ATG7: variants seen among roughly 807,000 people sequenced by gnomAD.
ATG7 encodes the protein autophagy related 7, also known as ubiquitin-like modifier-activating enzyme ATG7.
Under a neutral mutation model 82.4 loss-of-function variants are expected in ATG7, and 70 were observed. That is an observed-to-expected ratio of 0.85 (90% confidence interval 0.70 to 1.04). The LOEUF is 1.04. ATG7 is among the 50% of genes least tolerant of loss of function. The pLI, the probability that ATG7 is intolerant of heterozygous loss-of-function variation, is 0.00. For missense variants in ATG7, 792 were observed against 864.3 expected, an observed-to-expected ratio of 0.92 and a Z score of 1.05; for synonymous variants, 287 against 313.0, an observed-to-expected ratio of 0.92 and a Z score of 0.88.
rs534059145 is a variant in ATG7, at chr3:11,488,444, C to T, written c.2079+61518C>T. On this transcript the variant is annotated intron_variant, in intron 20 of 20. Coordinates refer to ENST00000693202, the MANE Select transcript of ATG7 (RefSeq NM_001349232.2). ...CCCGGCGGTCGGGCAGCGGCGGCTG[C>T]GGTCGGTCGCGGCAGCGGCTCCGCT... 9.8e-3 allele frequency: 12,330 copies of T among 1,258,430 alleles called. 85 individuals carry two copies. Among genetic ancestry groups the T allele is most frequent in the Middle Eastern group, 0.013 (45 of 3,362 alleles). The allele number at this position is 1,258,430 out of a possible 1,614,324, so 78.0% of individuals were successfully genotyped here.
intron 20 of ATG7, among the ~76,000 whole-genome samples, chr3:11,448,223 T>C (rs1253812377): frequency 6.6e-6 from 1 of 152,206 alleles, no homozygotes; most frequent in Non-Finnish European, 1.5e-5. Context: ...ACAAAGAACT[T>C]TCTCTGAGAT....
intron 18 of ATG7, among the ~76,000 whole-genome samples, chr3:11,373,833 T>C (rs909053741): frequency 3.9e-5 from 6 of 152,180 alleles, no homozygotes; most frequent in Non-Finnish European, 8.8e-5. Flanking sequence ...TCTTATAAGA[T>C]TGAGGAAGTG....
At chr3:11,389,232 C>CCA (rs1553639557) in intron 19 of ATG7, among the ~76,000 whole-genome samples, 1,408 of 57,490 alleles carry the variant, frequency 0.024, 20 homozygotes, top group Middle Eastern at 0.039. Context: ...GACCCTGTCT[C>CCA]AAAAAAAAAA....
At chr3:11,543,196 G>A (rs924096425) in intron 20 of ATG7, among the ~76,000 whole-genome samples, 2 of 152,180 alleles carry the variant, frequency 1.3e-5, no homozygotes, top group Non-Finnish European at 2.9e-5. Flanking sequence ...TGTAAGTCAC[G>A]CTTTACATCT....
At chr3:11,520,779 T>G (rs1575170774) in intron 20 of ATG7, among the ~76,000 whole-genome samples, 1 of 152,212 alleles carries the variant, frequency 6.6e-6, no homozygotes, top group East Asian at 1.9e-4. Flanking sequence ...AAGTGATTTC[T>G]CTTTCTTCAT....
At chr3:11,570,134 G>A in the ATG7 span, among the ~76,000 whole-genome samples, 1 of 152,102 alleles carries the variant, frequency 6.6e-6, no homozygotes, top group Non-Finnish European at 1.5e-5. Context: ...TTTTACAGAA[G>A]AGATGACCAA....
At chr3:11,405,290 C>G (rs1326637379) in intron 19 of ATG7, among the ~76,000 whole-genome samples, 1 of 152,112 alleles carries the variant, frequency 6.6e-6, no homozygotes, top group Non-Finnish European at 1.5e-5. Context: ...CCCCCTTGCC[C>G]CCACTGACTA....
chr3:11,285,285 T>TCCTCCCA (rs1271167682), intron 3 of ATG7, among the ~76,000 whole-genome samples: 11 of 149,520 alleles, frequency 7.4e-5, no homozygotes, highest in Middle Eastern at 3.5e-3. Flanking sequence ...GTTCAAGTGA[T>TCCTCCCA]CCTCCCACCT....
At chr3:11,397,734 G>A (rs1189568424) in intron 19 of ATG7, among the ~76,000 whole-genome samples, 1 of 80 alleles carries the variant, frequency 0.013, no homozygotes, top group Non-Finnish European at 0.024. Context: ...TGGGATTACA[G>A]GCGTGCACCC....
intron 20 of ATG7, among the ~76,000 whole-genome samples, chr3:11,546,226 C>T (rs537245153): frequency 8.0e-6 from 1 of 125,042 alleles, no homozygotes; most frequent in Admixed American, 1.0e-4. Flanking sequence ...GGCTGGAGTG[C>T]AGTGGCGTAA....
intron 20 of ATG7, among the ~76,000 whole-genome samples, chr3:11,450,923 G>A (rs573451196): frequency 6.6e-6 from 1 of 152,286 alleles, no homozygotes; most frequent in South Asian, 2.1e-4. Flanking sequence ...GGGTGTATTA[G>A]TTGTTACTAA....
In ATG7 at chr3:11,557,387, T is replaced by C. The variant is rs547038533; in HGVS notation, c.*2544T>C. On this transcript the variant is annotated 3_prime_UTR_variant, in exon 21 of 21. Coordinates refer to ENST00000693202, the MANE Select transcript of ATG7 (RefSeq NM_001349232.2). ...AAGAGAGTTCAAAGGGAGCAGTTTC[T>C]GCATGTAGGGAAGTTGGAAGACACA... The C allele has an allele frequency of 3.3e-5, 5 of 152,922 alleles. No homozygotes were observed. The highest frequency in any genetic ancestry group is 3.8e-4 in the East Asian group (2 of 5,318). 9.5% of individuals were successfully genotyped at this position (152,922 alleles called of 1,614,324 possible).
intron 18 of ATG7, among the ~76,000 whole-genome samples, chr3:11,378,899 TA>T (rs1442318216): frequency 6.6e-6 from 1 of 151,994 alleles, no homozygotes; most frequent in Non-Finnish European, 1.5e-5. Flanking sequence ...GGCATGGTGT[TA>T]ATAGGATGGC....
chr3:11,460,579 TC>T (rs2086210091), intron 20 of ATG7, among the ~76,000 whole-genome samples: 1 of 152,160 alleles, frequency 6.6e-6, no homozygotes, highest in Non-Finnish European at 1.5e-5. Flanking sequence ...TCAGAGTACT[TC>T]CCATTCAAGA....
chr3:11,441,464 G>T (rs2083952681), intron 20 of ATG7, among the ~76,000 whole-genome samples: 1 of 151,876 alleles, frequency 6.6e-6, no homozygotes, highest in African/African-American at 2.4e-5. Context: ...GGCTGGTCTT[G>T]CACTCGTGAC....
intron 14 of ATG7, among the ~76,000 whole-genome samples, chr3:11,353,060 T>C (rs898347742): frequency 2.0e-5 from 3 of 152,216 alleles, no homozygotes; most frequent in Admixed American, 6.5e-5. Context: ...ACTTGTTAAG[T>C]TATTGCAAGA....
chr3:11,329,891 T>A (rs1951404158), intron 9 of ATG7, among the ~76,000 whole-genome samples: 1 of 152,254 alleles, frequency 6.6e-6, no homozygotes, highest in Non-Finnish European at 1.5e-5. Flanking sequence ...TCCAGGATAC[T>A]ACATTGCAAT....
chr3:11,526,145 C>A (rs1023804468), intron 20 of ATG7, among the ~76,000 whole-genome samples: 3 of 152,108 alleles, frequency 2.0e-5, no homozygotes, highest in Non-Finnish European at 2.9e-5. Context: ...AATCCCAGCA[C>A]TTTGGGAAGC....
At chr3:11,414,686 C>G (rs2081218453) in intron 19 of ATG7, among the ~76,000 whole-genome samples, 1 of 152,128 alleles carries the variant, frequency 6.6e-6, no homozygotes, top group Admixed American at 6.6e-5. Flanking sequence ...TAGTTAAATT[C>G]TTAGATGTAG....
Sources: allele counts gnomAD v4.1 joint callset (sites outside exome capture counted in the v4.1 genomes callset), GRCh38; gene constraint gnomAD v4.1.1; transcripts MANE v1.5; gene names NCBI Gene and HGNC (gene_info 2026-07-23, HGNC 2026-07-21).